The following DLGAP1 variants were observed in gnomAD, a reference collection of about 807,000 sequenced individuals.
DLGAP1 encodes the protein disks large-associated protein 1.
A neutral mutation model predicts 90.8 loss-of-function variants in DLGAP1; 11 were observed. The observed-to-expected ratio is 0.12, with a 90% confidence interval of 0.08 to 0.20. The LOEUF is 0.20. Ranked by LOEUF, DLGAP1 falls within the 10% of genes least tolerant of loss-of-function variation. The pLI is 1.00. For missense variants in DLGAP1, 1,050 were observed against 1,333.8 expected (o/e 0.79, Z 3.31); for synonymous variants, 558 against 540.7 (o/e 1.03, Z -0.44).
At position 4,123,813 on chromosome 18, in the gene DLGAP1, G is replaced by A. The variant is rs1019931743; in HGVS notation, c.-159+27367C>T. Among the ~76,000 whole-genome samples, 7 of 152,308 alleles carry A rather than the reference G, an allele frequency of 4.6e-5. No individual in the cohort carries two copies. The South Asian group carries it at 6.2e-4, about 14-fold the overall frequency. ...ATACTGTTTATAAGGCGGGTTTCTG[G>A]TAACAATGTGTGGGTTGGTTTTGCC... On this transcript the variant is annotated intron_variant, in intron 2 of 12. Transcript: ENST00000315677.
At chr18:4,370,939 C>CCTCTCCTATCCTTTGGTT (rs2081902414) in intron 1 of DLGAP1, among the ~76,000 whole-genome samples, 1 of 150,144 alleles carries the variant, frequency 6.7e-6, no homozygotes, top group Non-Finnish European at 1.5e-5. Context: ...ATGGGAAGTA[C>CCTCTCCTATCCTTTGGTT]ATACCTCTCC....
chr18:4,107,404 C>G (rs1189700007), intron 2 of DLGAP1, among the ~76,000 whole-genome samples: 1 of 152,194 alleles, frequency 6.6e-6, no homozygotes, highest in Non-Finnish European at 1.5e-5. Context: ...GAATACCGAC[C>G]CTCCTCTAGC....
intron 1 of DLGAP1, among the ~76,000 whole-genome samples, chr18:4,385,401 G>C (rs2082209760): frequency 6.6e-6 from 1 of 152,114 alleles, no homozygotes; most frequent in South Asian, 2.1e-4. Flanking sequence ...TGAAATCTGG[G>C]TCAAAACGGC....
At chr18:4,390,268 AG>A (rs1292491657) in intron 1 of DLGAP1, among the ~76,000 whole-genome samples, 1 of 152,184 alleles carries the variant, frequency 6.6e-6, no homozygotes, top group African/African-American at 2.4e-5. Context: ...GAAAGGACAG[AG>A]GTCCCATGCA....
intron 5 of DLGAP1, among the ~76,000 whole-genome samples, chr18:3,807,250 C>A (rs537148945): frequency 6.6e-6 from 1 of 152,190 alleles, no homozygotes; most frequent in Admixed American, 6.5e-5. Context: ...CTGGGTACCA[C>A]TTCTCAGTTG....
chr18:3,795,716 C>T (rs1486672839), intron 5 of DLGAP1, among the ~76,000 whole-genome samples: 1 of 151,994 alleles, frequency 6.6e-6, no homozygotes, highest in Non-Finnish European at 1.5e-5. Flanking sequence ...ACTCCTGGGC[C>T]CATGCGATCC....
At chr18:3,624,994 G>A (rs1278652713) in intron 7 of DLGAP1, among the ~76,000 whole-genome samples, 3 of 152,080 alleles carry the variant, frequency 2.0e-5, no homozygotes, top group Non-Finnish European at 4.4e-5. Flanking sequence ...TATGCAGAAG[G>A]GAAAAACCCA....
chr18:3,648,591 A>G (rs1003045610), intron 7 of DLGAP1, among the ~76,000 whole-genome samples: 1 of 152,232 alleles, frequency 6.6e-6, no homozygotes, highest in Admixed American at 6.5e-5. Context: ...GGCTTGAAAT[A>G]CTAGAAGTGG....
intron 10 of DLGAP1, among the ~76,000 whole-genome samples, chr18:3,523,661 C>A (rs546245717): frequency 2.0e-5 from 3 of 151,878 alleles, no homozygotes; most frequent in East Asian, 2.0e-4. Context: ...TCCTGGCTAA[C>A]ACGGTGAAAC....
chr18:4,033,339 A>G (rs1598274445), intron 2 of DLGAP1, among the ~76,000 whole-genome samples: 1 of 151,846 alleles, frequency 6.6e-6, no homozygotes, highest in African/African-American at 2.4e-5. Flanking sequence ...TATTTTAGGA[A>G]ATATAAATTA....
rs570666037 is a variant in DLGAP1 at position 3,919,763 on chromosome 18, A to G, written c.-72-39623T>C. ...CAATATTATCACTAGCATTTTATGA[A>G]AAAGTAAATGGAAGCTCAGTAAATG... On this transcript the variant is annotated intron_variant, in intron 3 of 12. Transcript: ENST00000315677. 1.2e-4 allele frequency among the ~76,000 whole-genome samples: 18 copies of G among 152,342 alleles called. No individual in the cohort carries two copies. The South Asian group carries it at 1.5e-3, about 12-fold the overall frequency.
chr18:4,321,431 A>C (rs895215044), intron 1 of DLGAP1, among the ~76,000 whole-genome samples: 1 of 152,210 alleles, frequency 6.6e-6, no homozygotes, highest in African/African-American at 2.4e-5. Context: ...GTAGTTTGTC[A>C]TTTATTCTCT....
intron 7 of DLGAP1, among the ~76,000 whole-genome samples, chr18:3,659,467 G>A (rs865891229): frequency 1.8e-5 from 1 of 56,360 alleles, no homozygotes; most frequent in African/African-American, 1.1e-4. Flanking sequence ...CCCCACCCCC[G>A]GTTTCTTTTT....
intron 1 of DLGAP1, among the ~76,000 whole-genome samples, chr18:4,222,515 G>A (rs938280062): frequency 6.6e-6 from 1 of 152,112 alleles, no homozygotes; most frequent in African/African-American, 2.4e-5. Flanking sequence ...ATTCACTATA[G>A]TTAGACAACT....
intron 1 of DLGAP1, chr18:4,430,502 C>CTGTGTCTGTGTG (rs2083263010): frequency 7.0e-6 from 1 of 142,550 alleles, no homozygotes; most frequent in Non-Finnish European, 1.5e-5. Flanking sequence ...TCTTGTGTGT[C>CTGTGTCTGTGTG]TGTGTGTGTG....
intron 8 of DLGAP1, 58 bp downstream of exon 8, chr18:3,581,817 G>A: frequency 1.3e-6 from 2 of 1,584,610 alleles, no homozygotes; most frequent in Non-Finnish European, 1.7e-6. Context: ...GAAACAAAAA[G>A]TGTTACATTC....
chr18:4,245,641 C>T (rs894106340), intron 1 of DLGAP1, among the ~76,000 whole-genome samples: 10 of 152,320 alleles, frequency 6.6e-5, no homozygotes, highest in East Asian at 1.9e-4. Context: ...CAGAGCAATT[C>T]GTTGACCTTA....
At chr18:3,639,312 T>G (rs953996685) in intron 7 of DLGAP1, among the ~76,000 whole-genome samples, 2 of 149,342 alleles carry the variant, frequency 1.3e-5, no homozygotes, top group African/African-American at 2.5e-5. Flanking sequence ...GTCAAAATCA[T>G]GCCACTGCAC....
chr18:3,687,828 C>A (rs342504), intron 7 of DLGAP1, among the ~76,000 whole-genome samples: 2 of 151,690 alleles, frequency 1.3e-5, no homozygotes, highest in African/African-American at 4.8e-5. Flanking sequence ...AAATGACCAA[C>A]CTATAACATT....
Sources: gnomAD v4.1 joint callset for allele counts (sites outside exome capture counted in the v4.1 genomes callset) on GRCh38, gnomAD v4.1.1 for gene constraint, MANE v1.5 for transcripts, NCBI Gene and HGNC (gene_info 2026-07-23, HGNC 2026-07-21) for gene names.